TEX11: variants seen among roughly 807,000 people sequenced by gnomAD.
The protein encoded by TEX11 is testis expressed 11.
TEX11 carries 7 observed loss-of-function variants against 84.4 expected under a neutral mutation model. The ratio of observed to expected loss-of-function variants is 0.08; its 90% CI spans 0.05 to 0.16. TEX11 has a LOEUF of 0.16. Among genes scored for constraint, TEX11 ranks in the 10% least tolerant of loss-of-function variants. The probability of loss-of-function intolerance (pLI) is 1.00; values close to 1 mark genes in which losing one functional copy is unlikely to be tolerated. For missense variants in TEX11, 551 were observed against 660.5 expected (o/e 0.83, Z 1.82); for synonymous variants, 264 against 222.8 (o/e 1.18, Z -1.64).
At chrX:70,835,346 T>C (rs929412617) in intron 7 of TEX11, among the ~76,000 whole-genome samples, 1 of 112,579 alleles carries the variant, frequency 8.9e-6, no homozygotes, top group Admixed American at 9.4e-5. Context: ...CTCTAATAAT[T>C]CAGGCTACTT....
At chrX:70,809,858 G>C (rs773572606) in intron 8 of TEX11, among the ~76,000 whole-genome samples, 4 of 111,224 alleles carry the variant, frequency 3.6e-5, no homozygotes, top group Admixed American at 9.6e-5. Context: ...CACCAAGCCT[G>C]GCTAATTTTT....
intron 7 of TEX11, among the ~76,000 whole-genome samples, chrX:70,834,356 G>A (rs1416469189): frequency 9.0e-6 from 1 of 111,408 alleles, no homozygotes; most frequent in African/African-American, 3.3e-5. Flanking sequence ...ACTATCTGCA[G>A]GGTTCCTTTC....
intron 25 of TEX11, among the ~76,000 whole-genome samples, chrX:70,555,379 T>A (rs550341214): frequency 1.1e-3 from 129 of 112,265 alleles, no homozygotes; most frequent in African/African-American, 3.7e-3. Flanking sequence ...AGATTGAACA[T>A]TGAAAAATGT....
the TEX11 span, among the ~76,000 whole-genome samples, chrX:70,519,011 C>T: frequency 8.1e-5 from 9 of 111,640 alleles, no homozygotes; most frequent in East Asian, 8.4e-4. Context: ...TGTGTCTCTG[C>T]GTGTGAGATG....
chrX:70,854,185 G>A (rs774974968), intron 5 of TEX11, among the ~76,000 whole-genome samples: 1 of 111,750 alleles, frequency 8.9e-6, no homozygotes, highest in African/African-American at 3.2e-5. Flanking sequence ...GAGAGAGCTA[G>A]CAGATGGAAA....
intron 25 of TEX11, among the ~76,000 whole-genome samples, chrX:70,579,307 T>C (rs1184024769): frequency 3.0e-5 from 3 of 100,371 alleles, no homozygotes; most frequent in Non-Finnish European, 6.1e-5. Flanking sequence ...GCTAACACGG[T>C]GAAACCCCAT....
intron 17 of TEX11, among the ~76,000 whole-genome samples, chrX:70,644,939 A>G (rs1016387286): frequency 1.8e-5 from 2 of 110,237 alleles, no homozygotes; most frequent in East Asian, 2.8e-4. Context: ...AATTAAAAAA[A>G]GATAAATAAA....
At chrX:70,865,486 G>A (rs12690396) in intron 4 of TEX11, among the ~76,000 whole-genome samples, 2,040 of 111,308 alleles carry the variant, frequency 0.018, 53 homozygotes, top group East Asian at 0.13. Context: ...ACAGATCAAC[G>A]AGACAGAAAA....
At chrX:70,520,956 T>C in the TEX11 span, among the ~76,000 whole-genome samples, 25 of 112,353 alleles carry the variant, frequency 2.2e-4, no homozygotes, top group Non-Finnish European at 3.0e-4. Context: ...GCACGGGATA[T>C]AATCTCCTGG....
chrX:70,767,755 AATGTGGTACATTT>A (rs2090949565), intron 9 of TEX11, among the ~76,000 whole-genome samples: 1 of 112,065 alleles, frequency 8.9e-6, no homozygotes, highest in African/African-American at 3.2e-5. Context: ...TGGATAAAGA[AATGTGGTACATTT>A]ATACAGTGGA....
chrX:70,623,050 A>G (rs1177963740), intron 20 of TEX11, among the ~76,000 whole-genome samples: 4 of 112,341 alleles, frequency 3.6e-5, no homozygotes, highest in Non-Finnish European at 7.5e-5. Context: ...GCCTATAAAG[A>G]AAAGGCAAAA....
intron 16 of TEX11, among the ~76,000 whole-genome samples, chrX:70,662,163 T>C (rs1473658648): frequency 9.0e-6 from 1 of 110,905 alleles, no homozygotes; most frequent in Non-Finnish European, 1.9e-5. Flanking sequence ...TGCAGAGAAG[T>C]CCTTCAAGGA....
At chrX:70,818,181 C>G (rs1422584808) in intron 8 of TEX11, among the ~76,000 whole-genome samples, 1 of 110,544 alleles carries the variant, frequency 9.0e-6, no homozygotes, top group Non-Finnish European at 1.9e-5. Context: ...CCCAGCTACA[C>G]AGGAGGGAGG....
chrX:70,853,982 G>A (rs1343827291), intron 5 of TEX11, among the ~76,000 whole-genome samples: 2 of 112,215 alleles, frequency 1.8e-5, no homozygotes, highest in East Asian at 5.6e-4. Context: ...ACAGGTTAAT[G>A]AAAAACATCC....
intron 15 of TEX11, among the ~76,000 whole-genome samples, chrX:70,675,455 T>C (rs757267924): frequency 6.0e-4 from 67 of 111,838 alleles, no homozygotes; most frequent in Non-Finnish European, 1.1e-3. Context: ...CAGAACTTTT[T>C]CATCTAGTAA....
chrX:70,588,932 CAAA>C (rs1174379817), intron 25 of TEX11, among the ~76,000 whole-genome samples: 5 of 50,591 alleles, frequency 9.9e-5, no homozygotes, highest in African/African-American at 8.0e-5. Context: ...AACCCCAACT[CAAA>C]AAAAAAAAAA....
chrX:70,679,974 C>CG (rs2090128862), intron 14 of TEX11, among the ~76,000 whole-genome samples: 1 of 88,289 alleles, frequency 1.1e-5, no homozygotes. Flanking sequence ...GTCAGCCCCC[C>CG]GCCCGGCCAG....
At chrX:70,873,947 A>G (rs780683911) in intron 3 of TEX11, among the ~76,000 whole-genome samples, 2 of 111,321 alleles carry the variant, frequency 1.8e-5, no homozygotes, top group Non-Finnish European at 3.8e-5. Flanking sequence ...CCAATGTTGG[A>G]TGTGGGGCTG....
At chrX:70,794,330 C>G (rs780546493) in intron 9 of TEX11, among the ~76,000 whole-genome samples, 1 of 112,016 alleles carries the variant, frequency 8.9e-6, no homozygotes, top group East Asian at 2.8e-4. Flanking sequence ...GGGCAATCAT[C>G]CATTCCAGTA....
Sources: allele counts gnomAD v4.1 joint callset (sites outside exome capture counted in the v4.1 genomes callset), GRCh38; gene constraint gnomAD v4.1.1; transcripts MANE v1.5; gene names NCBI Gene and HGNC (gene_info 2026-07-23, HGNC 2026-07-21).